The following PRMT2 variants were observed in gnomAD, a reference collection of about 807,000 sequenced individuals.
PRMT2 encodes protein arginine N-methyltransferase 2.
A neutral mutation model predicts 57.6 loss-of-function variants in PRMT2; 26 were observed. That is an observed-to-expected ratio of 0.45 (90% CI 0.33 to 0.63). The LOEUF (loss-of-function observed/expected upper bound fraction) is 0.63. PRMT2 is among the 20% of genes least tolerant of loss of function. The pLI is 0.02. For synonymous variants in PRMT2, 219 were observed against 220.0 expected, an observed-to-expected ratio of 1.00 and a Z score of 0.04; for missense variants, 472 against 564.4, an observed-to-expected ratio of 0.84 and a Z score of 1.66.
chr21:46,649,623 G>T lies in PRMT2; in HGVS notation c.538G>T (p.Val180Phe). The T allele has an allele frequency of 6.2e-7, 1 of 1,614,154 alleles. No homozygotes were observed. The highest frequency in any genetic ancestry group is 8.5e-7 in the Non-Finnish European group (1 of 1,180,044). Reference sequence around the variant, plus strand: ...GATGGCACAGCACACGGGGCAGCTGGTCCTGCAGAACGGCTTTGCTGACAT... The same window carrying T: ...GATGGCACAGCACACGGGGCAGCTGTTCCTGCAGAACGGCTTTGCTGACAT... ...SEMAQHTGQL[V>F]LQNGFADIIT... The change falls in exon 7 of 12, where the codon GTC becomes TTC. Residue 180 changes from valine (V) to phenylalanine (F), a missense_variant. Coordinates refer to ENST00000355680, the MANE Select transcript of PRMT2 (RefSeq NM_206962.4). The surrounding 1 kb of genome is among the most constrained non-coding windows in gnomAD (Gnocchi z 4.8).
chr21:46,649,982 T>A lies in PRMT2; in HGVS notation c.654+243T>A. ...TCATGTAACATTTTCATGAGTGATT[T>A]ACATGAACTGTGTTCTCCTCGGGGA... On this transcript the variant is annotated intron_variant, in intron 7 of 11. Coordinates refer to ENST00000355680, the MANE Select transcript of PRMT2 (RefSeq NM_206962.4). This position sits in a 1 kb window ranked among gnomAD's most constrained non-coding sequence, Gnocchi z 4.8. 7.0e-7 allele frequency: 1 copy of A among 1,427,526 alleles called. No individual in the cohort carries two copies. The highest frequency in any genetic ancestry group is 2.5e-5 in the East Asian group (1 of 39,922). The allele number at this position is 1,427,526 out of a possible 1,614,324, so 88.4% of individuals were successfully genotyped here. A position where few individuals can be genotyped will look rare whatever the true frequency, so the allele number is the denominator to read the frequency against.
intron 7 of PRMT2, chr21:46,653,240 GT>G: frequency 1.3e-5 from 13 of 985,346 alleles, no homozygotes; most frequent in Non-Finnish European, 1.6e-5. Context: ...GCCTTGTACT[GT>G]TTTATTGACT....
chr21:46,662,997 A>G (rs528537759), intron 10 of PRMT2, among the ~76,000 whole-genome samples: 2 of 152,126 alleles, frequency 1.3e-5, no homozygotes, highest in South Asian at 2.1e-4. Context: ...GGGAGTCGAC[A>G]CCACACGGGA....
chr21:46,662,894 A>C (rs1173783378), intron 10 of PRMT2, among the ~76,000 whole-genome samples: 1 of 152,148 alleles, frequency 6.6e-6, no homozygotes, highest in East Asian at 1.9e-4. Flanking sequence ...GTCTGTGTAC[A>C]CCACAGTTTA....
chr21:46,651,737 T>TGAGG (rs940315343), intron 7 of PRMT2: 4 of 1,556,834 alleles, frequency 2.6e-6, no homozygotes, highest in Non-Finnish European at 3.5e-6. Context: ...TGGTCGGATT[T>TGAGG]GAGGGAGGGA....
intron 3 of PRMT2, among the ~76,000 whole-genome samples, chr21:46,637,403 A>G (rs75865644): frequency 0.011 from 1,639 of 152,312 alleles, 13 homozygotes; most frequent in Middle Eastern, 0.034. Context: ...GTTTCGTTCA[A>G]GTTAGCAGTA....
chr21:46,659,123 G>T, intron 8 of PRMT2: 1 of 1,295,988 alleles, frequency 7.7e-7, no homozygotes, highest in Non-Finnish European at 9.8e-7. Context: ...GAGCAGGGTA[G>T]AATGCAAGGA....
Position 46,659,148 on chromosome 21 carries a change from A to G in PRMT2, c.830+228A>G, listed in dbSNP as rs1040418521. Reference sequence around the variant, plus strand: ...GAATGCAAGGAACAAAAATTTTCGTATGTGAAAAAGGTGGCATTACGATTA... The same window carrying G: ...GAATGCAAGGAACAAAAATTTTCGTGTGTGAAAAAGGTGGCATTACGATTA... On this transcript the variant is annotated intron_variant, in intron 8 of 11. Transcript: ENST00000355680. 5 of 1,260,828 alleles carry G rather than the reference A, an allele frequency of 4.0e-6. No homozygotes were observed. In the East Asian group the frequency reaches 1.7e-4, roughly 42 times the overall value. 78.1% of individuals were successfully genotyped at this position (1,260,828 alleles called of 1,614,324 possible).
intron 7 of PRMT2, chr21:46,651,747 A>AG: frequency 6.3e-7 from 1 of 1,577,276 alleles, no homozygotes; most frequent in East Asian, 2.2e-5. Flanking sequence ...TGAGGGAGGG[A>AG]GGGTATGAAT....
intron 3 of PRMT2, among the ~76,000 whole-genome samples, chr21:46,642,359 A>T (rs2061291211): frequency 6.6e-6 from 1 of 152,246 alleles, no homozygotes; most frequent in Non-Finnish European, 1.5e-5. Context: ...ATAGTGTTAG[A>T]AGTATATTTA....
intron 5 of PRMT2, 27 bp downstream of exon 5, chr21:46,644,515 G>C (rs1375497377): frequency 6.4e-7 from 1 of 1,555,050 alleles, no homozygotes; most frequent in Non-Finnish European, 8.7e-7. Flanking sequence ...TCCCTGTTCA[G>C]CTGGCCAGGC....
At chr21:46,638,945 C>T (rs2061221836) in intron 3 of PRMT2, among the ~76,000 whole-genome samples, 1 of 152,108 alleles carries the variant, frequency 6.6e-6, no homozygotes, top group South Asian at 2.1e-4. Flanking sequence ...ATTTTTATAA[C>T]ATCTGAGAGG....
rs2061574204 is a variant in PRMT2 at position 46,658,667 on chromosome 21, T to TA, written c.655-77dup. On this transcript the variant is annotated intron_variant, in intron 7 of 11. Coordinates refer to ENST00000355680, the MANE Select transcript of PRMT2 (RefSeq NM_206962.4). ...AACTGTAGAACTGTCAGACTAGTGT[T>TA]ACGAATGTGGTGGTGAGAGGCCTGT... The TA allele has an allele frequency of 5.7e-6, 9 of 1,569,520 alleles. No individual in the cohort carries two copies. In the Admixed American group the frequency reaches 8.8e-5, roughly 15 times the overall value.
At chr21:46,646,987 T>C (rs1372815922) in intron 5 of PRMT2, among the ~76,000 whole-genome samples, 1 of 152,152 alleles carries the variant, frequency 6.6e-6, no homozygotes, top group African/African-American at 2.4e-5. Flanking sequence ...CCACAAACCC[T>C]TTCATAGTAA....
intron 7 of PRMT2, among the ~76,000 whole-genome samples, chr21:46,656,652 C>T (rs1003432733): frequency 6.6e-6 from 1 of 152,178 alleles, no homozygotes; most frequent in African/African-American, 2.4e-5. Context: ...ACACCTCAAC[C>T]TCACATCTCA....
At chr21:46,662,118 C>G (rs969544217) in intron 10 of PRMT2, among the ~76,000 whole-genome samples, 182 bp downstream of exon 10, 2 of 151,692 alleles carry the variant, frequency 1.3e-5, no homozygotes, top group East Asian at 3.9e-4. Context: ...GGTGTAGACA[C>G]CGCAGCCTGT....
At chr21:46,652,817 A>G (rs1163665043) in intron 7 of PRMT2, 2 of 1,268,254 alleles carry the variant, frequency 1.6e-6, no homozygotes, top group Admixed American at 2.7e-5. Flanking sequence ...GCAGGTGACA[A>G]TTGAGCCCTA....
chr21:46,658,941 C>G, intron 8 of PRMT2, 21 bp downstream of exon 8: 1 of 1,602,112 alleles, frequency 6.2e-7, no homozygotes, highest in Non-Finnish European at 8.5e-7. Flanking sequence ...ACAGCTGGGA[C>G]TGGCACCGTC....
At position 46,661,914 on chromosome 21, in the gene PRMT2, C is replaced by T. The variant is rs1601957178; in HGVS notation, c.1075C>T (p.Leu359Phe). The T allele has an allele frequency of 1.4e-6, 2 of 1,452,738 alleles. No homozygotes were observed. The highest frequency in any genetic ancestry group is 5.4e-5 in the East Asian group (2 of 36,882). The allele number at this position is 1,452,738 out of a possible 1,614,324, so 90.0% of individuals were successfully genotyped here. A position where few individuals can be genotyped will look rare whatever the true frequency, so the allele number is the denominator to read the frequency against. ...GCAGGAGGGGCAGCCGCCGCAGGTGCTCAGCACCGGGCCCTTCCACCCGTG... is the reference window on the plus strand; with the variant it reads ...GCAGGAGGGGCAGCCGCCGCAGGTGTTCAGCACCGGGCCCTTCCACCCGTG... The part of the protein sequence containing the change: ...SLQEGQPPQV[L>F]STGPFHPTTH... Residue 359 changes from leucine (L) to phenylalanine (F), a missense_variant, in exon 10 of 12, where the codon CTC becomes TTC. By Grantham distance (22) the Leu-to-Phe change is conservative. This residue lies in a region of PRMT2 where 229 missense variants were observed against 217.2 expected (regional missense o/e 1.05). Transcript: ENST00000355680.
Sources: gnomAD v4.1 joint callset for allele counts (sites outside exome capture counted in the v4.1 genomes callset) on GRCh38, gnomAD v4.1.1 for gene constraint, gnomAD v4.1.1 regional missense constraint, Gnocchi (gnomAD v3.1) non-coding constraint, MANE v1.5 for transcripts, NCBI Gene and HGNC (gene_info 2026-07-23, HGNC 2026-07-21) for gene names.